Variants in NBEA observed in about 807,000 individuals in gnomAD.
NBEA encodes neurobeachin.
NBEA carries 44 observed loss-of-function variants against 343.4 expected under a neutral mutation model. The observed-to-expected ratio is 0.13, with a 90% CI of 0.10 to 0.16. The LOEUF (loss-of-function observed/expected upper bound fraction) is 0.16, where lower values mean the gene tolerates loss of function less well. Ranked by LOEUF, NBEA falls within the 10% of genes least tolerant of loss-of-function variation. NBEA has a pLI of 1.00. For missense variants in NBEA, 2,555 were observed against 3,631.3 expected (o/e 0.70, Z 7.62); for synonymous variants, 1,175 against 1,238.7 (o/e 0.95, Z 1.08).
intron 18 of NBEA, among the ~76,000 whole-genome samples, chr13:35,147,154 C>T (rs1402777903): frequency 1.3e-5 from 2 of 152,188 alleles, no homozygotes; most frequent in Admixed American, 1.3e-4. Flanking sequence ...CAACTTGGCC[C>T]TGTTGATAGT....
At chr13:35,519,354 G>C (rs188528151) in intron 41 of NBEA, among the ~76,000 whole-genome samples, 3 of 152,228 alleles carry the variant, frequency 2.0e-5, no homozygotes, top group Admixed American at 2.0e-4. Context: ...TCTATTAGAT[G>C]ATTCTAATTT....
At chr13:35,629,150 T>A (rs923275521) in intron 49 of NBEA, among the ~76,000 whole-genome samples, 2 of 152,168 alleles carry the variant, frequency 1.3e-5, no homozygotes, top group Admixed American at 6.6e-5. Flanking sequence ...CACAAAATGA[T>A]TTCAGATAAG....
At chr13:34,999,567 A>G (rs1248694377) in intron 1 of NBEA, among the ~76,000 whole-genome samples, 2 of 152,076 alleles carry the variant, frequency 1.3e-5, no homozygotes, top group Non-Finnish European at 1.5e-5. Context: ...CTGCTTTGCC[A>G]TGATTGTTCT....
At chr13:35,044,825 T>G (rs541862840) in intron 2 of NBEA, 122 bp from the exon 3 acceptor site, 40 of 517,702 alleles carry the variant, frequency 7.7e-5, no homozygotes, top group East Asian at 4.1e-4. Flanking sequence ...CATATATATA[T>G]ATATAGAGAG....
intron 11 of NBEA, among the ~76,000 whole-genome samples, chr13:35,104,000 T>A (rs1397287507): frequency 6.6e-6 from 1 of 151,904 alleles, no homozygotes; most frequent in Non-Finnish European, 1.5e-5. Context: ...CAAGTCTTCA[T>A]CCTTCTCATA....
intron 1 of NBEA, among the ~76,000 whole-genome samples, chr13:34,959,139 A>G (rs937199854): frequency 1.3e-5 from 2 of 152,128 alleles, no homozygotes; most frequent in East Asian, 1.9e-4. Flanking sequence ...ATGAAGTGCT[A>G]TGTTTATTTG....
intron 36 of NBEA, among the ~76,000 whole-genome samples, chr13:35,309,941 C>T (rs2152832856): frequency 6.6e-6 from 1 of 152,242 alleles, no homozygotes; most frequent in South Asian, 2.1e-4. Flanking sequence ...TTTACTCCTT[C>T]AGCTTCTCCT....
chr13:35,444,278 A>AT (rs1238332402), intron 39 of NBEA, among the ~76,000 whole-genome samples: 6 of 151,986 alleles, frequency 3.9e-5, no homozygotes, highest in African/African-American at 1.4e-4. Flanking sequence ...TTTATCTTAA[A>AT]TCTTTTTCCT....
At chr13:35,060,072 T>TA (rs1207394492) in intron 8 of NBEA, among the ~76,000 whole-genome samples, 1 of 151,910 alleles carries the variant, frequency 6.6e-6, no homozygotes, top group Non-Finnish European at 1.5e-5. Flanking sequence ...TGTATTAATA[T>TA]GCTGCATGCT....
Position 35,109,164 on chromosome 13 carries a change from CAA to C in NBEA, c.1681-124_1681-123del, listed in dbSNP as rs2066063787. Reference sequence around the variant, plus strand: ...AGTTATATTTTAATAGCAAAGAAAACAAATGTTTATTTCATATTTATTAGGGA... The same window carrying C: ...AGTTATATTTTAATAGCAAAGAAAACATGTTTATTTCATATTTATTAGGGA... On this transcript the variant is annotated intron_variant, in intron 11 of 58. Coordinates refer to ENST00000379939, the MANE Select transcript of NBEA (RefSeq NM_001385012.1). The C allele has an allele frequency of 3.6e-6, 3 of 828,626 alleles. 1 individual carries two copies. In the South Asian group the frequency reaches 1.1e-4, roughly 30 times the overall value. The allele number at this position is 828,626 out of a possible 1,614,324, so 51.3% of individuals were successfully genotyped here.
At chr13:35,424,084 T>C (rs1213156576) in intron 38 of NBEA, among the ~76,000 whole-genome samples, 1 of 152,216 alleles carries the variant, frequency 6.6e-6, no homozygotes, top group East Asian at 1.9e-4. Context: ...TATACAATCA[T>C]GTCATCTACA....
intron 34 of NBEA, among the ~76,000 whole-genome samples, chr13:35,246,657 G>A (rs770896174): frequency 3.9e-4 from 60 of 152,120 alleles, no homozygotes; most frequent in Non-Finnish European, 7.8e-4. Flanking sequence ...TCTCTCAGTC[G>A]TGGATACCAG....
At chr13:35,084,439 C>T (rs541323271) in intron 10 of NBEA, among the ~76,000 whole-genome samples, 25 of 152,222 alleles carry the variant, frequency 1.6e-4, no homozygotes, top group Admixed American at 6.5e-4. Flanking sequence ...CACTCAAAAC[C>T]GCTCAACTAC....
chr13:35,278,092 AATATATATATATATAAAAT>A (rs2034759494), intron 34 of NBEA, among the ~76,000 whole-genome samples: 2 of 147,738 alleles, frequency 1.4e-5, no homozygotes, highest in Admixed American at 6.8e-5. Context: ...CATCTCAAAA[AATATATATATATATAAAAT>A]ATATATATAT....
At chr13:35,558,548 C>A (rs1593219823) in intron 44 of NBEA, among the ~76,000 whole-genome samples, 1 of 152,170 alleles carries the variant, frequency 6.6e-6, no homozygotes, top group East Asian at 1.9e-4. Context: ...TGTACAATAT[C>A]ATTATACAAA....
intron 38 of NBEA, among the ~76,000 whole-genome samples, chr13:35,358,054 C>T (rs773198188): frequency 2.6e-5 from 4 of 151,966 alleles, no homozygotes; most frequent in Non-Finnish European, 4.4e-5. Context: ...TGGAGTCTCA[C>T]GCTGTCACCC....
intron 48 of NBEA, among the ~76,000 whole-genome samples, chr13:35,616,020 T>C (rs766861526): frequency 5.3e-5 from 8 of 152,318 alleles, no homozygotes; most frequent in Non-Finnish European, 1.0e-4. Context: ...CTCCTTCAAT[T>C]CTACAAATGG....
At chr13:35,561,914 T>C (rs192378809) in intron 44 of NBEA, among the ~76,000 whole-genome samples, 42 of 152,236 alleles carry the variant, frequency 2.8e-4, no homozygotes, top group African/African-American at 9.1e-4. Flanking sequence ...TTTTATTCTA[T>C]TTATAAATTT....
chr13:35,580,058 T>A (rs2080942266), intron 45 of NBEA, among the ~76,000 whole-genome samples: 2 of 152,182 alleles, frequency 1.3e-5, no homozygotes, highest in Non-Finnish European at 2.9e-5. Context: ...TTTTGCAAGC[T>A]ATGTAGGCTT....
Sources: allele counts gnomAD v4.1 joint callset (sites outside exome capture counted in the v4.1 genomes callset), GRCh38; gene constraint gnomAD v4.1.1; transcripts MANE v1.5; gene names NCBI Gene and HGNC (gene_info 2026-07-23, HGNC 2026-07-21).